The following OAT variants were observed in gnomAD, a reference collection of about 807,000 sequenced individuals.
OAT encodes the protein ornithine aminotransferase, also known as ornithine aminotransferase, mitochondrial.
Under a neutral mutation model 48.4 loss-of-function variants are expected in OAT, and 35 were observed. That is an observed-to-expected ratio of 0.72 (90% CI 0.55 to 0.96). The LOEUF (loss-of-function observed/expected upper bound fraction) is 0.96. OAT is among the 40% of genes least tolerant of loss of function. The pLI is 0.00. For synonymous variants in OAT, 182 were observed against 198.4 expected (o/e 0.92, Z 0.70); for missense variants, 438 against 537.9 (o/e 0.81, Z 1.84).
rs1288320760 is a variant in OAT at position 124,411,150 on chromosome 10, AAAAAAAAAAAAAAAG to A, written c.199+808_199+822del. ...GCGACATTCCGTCTCAAAAAAAAAA[AAAAAAAAAAAAAAAG>A]AAGAAGAGATGTCATGTCTGCAACT... On this transcript the variant is annotated intron_variant, in intron 2 of 9. Coordinates refer to ENST00000368845, the MANE Select transcript of OAT (RefSeq NM_000274.4). Among the ~76,000 whole-genome samples, 907 of 146,412 alleles carry A rather than the reference AAAAAAAAAAAAAAAG, an allele frequency of 6.2e-3. 23 individuals are homozygous for A. The highest frequency in any genetic ancestry group is 0.021 in the African/African-American group (854 of 39,760).
chr10:124,406,987 G>T, intron 4 of OAT: 1 of 985,284 alleles, frequency 1.0e-6, no homozygotes, highest in African/African-American at 1.7e-5. Context: ...ATAACAGAGA[G>T]GTTGGGAGTT....
intron 8 of OAT, 131 bp downstream of exon 8, chr10:124,401,595 T>C (rs1438784803): frequency 2.8e-6 from 2 of 702,210 alleles, no homozygotes; most frequent in Non-Finnish European, 5.1e-6. Context: ...CTAAAATTTT[T>C]CCTCTATACT....
At chr10:124,417,435 C>T (rs774518043) in intron 1 of OAT, among the ~76,000 whole-genome samples, 2 of 151,864 alleles carry the variant, frequency 1.3e-5, no homozygotes, top group Non-Finnish European at 2.9e-5. Flanking sequence ...CAGGCGCGCA[C>T]CACGATGTCT....
chr10:124,400,722 C>T (rs914404465), intron 9 of OAT, 118 bp downstream of exon 9: 3 of 805,566 alleles, frequency 3.7e-6, no homozygotes, highest in Non-Finnish European at 5.7e-6. Context: ...GGCACTGCAG[C>T]CTAGGAGACA....
intron 5 of OAT, among the ~76,000 whole-genome samples, chr10:124,404,820 G>A (rs1289512663): frequency 6.6e-6 from 1 of 152,176 alleles, no homozygotes; most frequent in East Asian, 1.9e-4. Flanking sequence ...AAGGTGGGCA[G>A]ATCACTTGAG....
In OAT at chr10:124,403,919, C is replaced by T. The variant is rs774853325; in HGVS notation, c.650G>A (p.Arg217His). The change falls in exon 6 of 10, where the codon CGT becomes CAT. Residue 217 changes from arginine (R) to histidine (H), a missense_variant and splice_region_variant. Coordinates refer to ENST00000368845, the MANE Select transcript of OAT (RefSeq NM_000274.4). Reference protein sequence around the residue: ...IPYNDLPALERALQDPNVAAF... With the variant: ...IPYNDLPALEHALQDPNVAAF... ...AGCCACATTTGGATCCTGAAGAGCACGCTACAGAAGAAACAGGAATAAGTT... is the reference window on the plus strand; with the variant it reads ...AGCCACATTTGGATCCTGAAGAGCATGCTACAGAAGAAACAGGAATAAGTT... 7.4e-6 allele frequency: 12 copies of T among 1,613,870 alleles called. No individual in the cohort carries two copies. Among genetic ancestry groups the T allele is most frequent in the South Asian group, 4.4e-5 (4 of 91,086 alleles).
intron 8 of OAT, among the ~76,000 whole-genome samples, chr10:124,401,524 C>T (rs919932129): frequency 1.5e-4 from 23 of 152,288 alleles, no homozygotes; most frequent in African/African-American, 5.5e-4. Flanking sequence ...CTCAGGAAGC[C>T]CACGGAGGAA....
chr10:124,406,485 T>C (rs1309637953), intron 4 of OAT, among the ~76,000 whole-genome samples: 1 of 150,370 alleles, frequency 6.7e-6, no homozygotes, highest in Non-Finnish European at 1.5e-5. Context: ...AGCAAGACTG[T>C]CTCAAAAAAT....
At chr10:124,413,578 G>A (rs918510472) in intron 1 of OAT, among the ~76,000 whole-genome samples, 3 of 152,144 alleles carry the variant, frequency 2.0e-5, no homozygotes, top group African/African-American at 7.2e-5. Context: ...AGCGACTCAG[G>A]AGGCTAAGGC....
At chr10:124,416,164 G>T (rs1951912696) in intron 1 of OAT, among the ~76,000 whole-genome samples, 1 of 152,102 alleles carries the variant, frequency 6.6e-6, no homozygotes, top group African/African-American at 2.4e-5. Flanking sequence ...TCCTAACACT[G>T]CAGGCCACTT....
chr10:124,400,374 G>A (rs1162607515), intron 9 of OAT, among the ~76,000 whole-genome samples: 1 of 151,562 alleles, frequency 6.6e-6, no homozygotes, highest in Non-Finnish European at 1.5e-5. Context: ...CTTGAACCGG[G>A]GCATCGGAAG....
At chr10:124,403,260 C>T (rs1422332543) in intron 6 of OAT, 2 of 626,972 alleles carry the variant, frequency 3.2e-6, no homozygotes, top group East Asian at 5.6e-5. Context: ...CTTTGTCAGG[C>T]CACTATCTCC....
chr10:124,417,029 G>A (rs1031391735), intron 1 of OAT, among the ~76,000 whole-genome samples: 4 of 151,998 alleles, frequency 2.6e-5, no homozygotes, highest in African/African-American at 7.3e-5. Flanking sequence ...ATCCAAATTC[G>A]TGCATTCATC....
At chr10:124,402,804 C>A in intron 7 of OAT, 123 bp downstream of exon 7, 3 of 1,323,026 alleles carry the variant, frequency 2.3e-6, no homozygotes, top group South Asian at 2.5e-5. Context: ...GGGTGGCCTG[C>A]AGCACACTTG....
intron 1 of OAT, among the ~76,000 whole-genome samples, chr10:124,412,924 C>T (rs1303792685): frequency 6.6e-6 from 1 of 152,172 alleles, no homozygotes; most frequent in Admixed American, 6.5e-5. Flanking sequence ...TGCTATGAGA[C>T]AGCTACAACT....
intron 1 of OAT, among the ~76,000 whole-genome samples, chr10:124,413,413 C>T (rs1023898597): frequency 6.6e-6 from 1 of 152,012 alleles, no homozygotes; most frequent in Non-Finnish European, 1.5e-5. Flanking sequence ...TGACCAGGTG[C>T]GGTGACTCAT....
chr10:124,418,264 A>G (rs1327527822), intron 1 of OAT: 1 of 152,400 alleles, frequency 6.6e-6, no homozygotes, highest in African/African-American at 2.4e-5. Context: ...GGGCAGGCCG[A>G]TCTGCAGGGC....
At position 124,405,447 on chromosome 10, in the gene OAT, G is replaced by T; in HGVS notation, c.637C>A (p.Pro213Thr). The change falls in exon 5 of 10, where the codon CCC (proline) becomes ACC (threonine). Residue 213 changes from proline to threonine, a missense_variant. Transcript: ENST00000368845. ...TGCTAGTGAAATACCTCCAGTGCGG[G>T]CAGATCATTATAGGGAATGATGTCG... is the stretch of plus-strand genomic sequence containing the variant. ...GFDIIPYNDL[P>T]ALERALQDPN... The T allele has an allele frequency of 1.2e-6, 2 of 1,613,760 alleles. No individual in the cohort carries two copies. The highest frequency in any genetic ancestry group is 2.2e-5 in the South Asian group (2 of 91,070).
chr10:124,414,737 C>G (rs545253903), intron 1 of OAT, among the ~76,000 whole-genome samples: 2 of 152,200 alleles, frequency 1.3e-5, no homozygotes, highest in African/African-American at 4.8e-5. Context: ...TTTTGCCTAT[C>G]AAATTAGCAG....
Sources: allele counts gnomAD v4.1 joint callset (sites outside exome capture counted in the v4.1 genomes callset), GRCh38; gene constraint gnomAD v4.1.1; transcripts MANE v1.5; gene names NCBI Gene and HGNC (gene_info 2026-07-23, HGNC 2026-07-21).